The following SATB1 variants were observed in gnomAD, a reference collection of about 807,000 sequenced individuals.
SATB1 encodes the protein SATB homeobox 1, also known as DNA-binding protein SATB1.
A neutral mutation model predicts 86.9 loss-of-function variants in SATB1; 11 were observed. The observed-to-expected ratio is 0.13, with a 90% confidence interval of 0.08 to 0.21. The LOEUF (loss-of-function observed/expected upper bound fraction) is 0.21. SATB1 is among the 10% of genes least tolerant of loss of function. The pLI is 1.00. For missense variants in SATB1, 551 were observed against 937.6 expected (o/e 0.59, Z 5.39); for synonymous variants, 357 against 357.2 (o/e 1.00, Z 0.01).
chr3:18,373,580 T>G (rs1000749653), intron 9 of SATB1, among the ~76,000 whole-genome samples: 9 of 152,194 alleles, frequency 5.9e-5, no homozygotes, highest in African/African-American at 2.2e-4. Flanking sequence ...CTTACTTGCA[T>G]TTAAGACATC....
chr3:18,358,765 CT>C (rs1032276600), intron 9 of SATB1, among the ~76,000 whole-genome samples: 43 of 152,088 alleles, frequency 2.8e-4, no homozygotes, highest in African/African-American at 1.0e-3. Flanking sequence ...TAATAATCTT[CT>C]TTTTAAATGT....
Position 18,345,397 on chromosome 3 carries a change from C to CTAT in SATB1, c.*3770_*3772dup, listed in dbSNP as rs1408863158. 1 of 152,004 alleles carries CTAT rather than the reference C, an allele frequency of 6.6e-6. No individual in the cohort carries two copies. The highest frequency in any genetic ancestry group is 1.5e-5 in the Non-Finnish European group (1 of 67,928). The allele number at this position is 152,004 out of a possible 1,614,324, so 9.4% of individuals were successfully genotyped here. A position where few individuals can be genotyped will look rare whatever the true frequency, so the allele number is the denominator to read the frequency against. On this transcript the variant is annotated 3_prime_UTR_variant, in exon 11 of 11. Transcript: ENST00000338745. ...TCATCTTTTAAACATTAATTTCAAA[C>CTAT]TATTTTTATTTAACATTTGGTATTG...
At chr3:18,365,908 G>A (rs1695161658) in intron 9 of SATB1, among the ~76,000 whole-genome samples, 1 of 152,172 alleles carries the variant, frequency 6.6e-6, no homozygotes, top group African/African-American at 2.4e-5. Flanking sequence ...TTGCAAGCCA[G>A]GAAGAAAGAA....
intron 7 of SATB1, among the ~76,000 whole-genome samples, chr3:18,390,082 T>C (rs1177062645): frequency 6.6e-6 from 1 of 152,118 alleles, no homozygotes; most frequent in Non-Finnish European, 1.5e-5. Flanking sequence ...TTAGTAGTTG[T>C]AAAAGAAAGA....
chr3:18,434,354 T>C (rs776305135), intron 2 of SATB1, among the ~76,000 whole-genome samples: 9 of 151,886 alleles, frequency 5.9e-5, no homozygotes, highest in Non-Finnish European at 1.0e-4. Flanking sequence ...AAAAATCCAA[T>C]TGTTTGGCCA....
chr3:18,375,886 G>A (rs1448298119), intron 9 of SATB1, among the ~76,000 whole-genome samples: 6 of 152,160 alleles, frequency 3.9e-5, no homozygotes, highest in Non-Finnish European at 8.8e-5. Flanking sequence ...CTATCCAAGG[G>A]AATAAAGTTA....
chr3:18,445,032 G>A, intron 1 of SATB1: 1 of 209,782 alleles, frequency 4.8e-6, no homozygotes, highest in Non-Finnish European at 8.2e-6. Context: ...CGGCCGGGGC[G>A]TCCCCCGCGG....
chr3:18,378,639 C>A (rs1695885286), intron 8 of SATB1, among the ~76,000 whole-genome samples: 1 of 152,158 alleles, frequency 6.6e-6, no homozygotes. Context: ...AATTGTCTCC[C>A]AATTACCTTC....
intron 2 of SATB1, among the ~76,000 whole-genome samples, chr3:18,434,587 GA>G (rs1404170731): frequency 6.6e-6 from 1 of 151,840 alleles, no homozygotes; most frequent in Non-Finnish European, 1.5e-5. Context: ...CACATAGTGG[GA>G]AAAGTAGTGG....
chr3:18,437,757 A>G (rs537312384), intron 1 of SATB1, among the ~76,000 whole-genome samples: 73 of 152,324 alleles, frequency 4.8e-4, no homozygotes, highest in African/African-American at 1.8e-3. Flanking sequence ...ACTGTCTACC[A>G]TTAAACAGTA....
At chr3:18,393,391 A>G (rs1696793812) in intron 7 of SATB1, among the ~76,000 whole-genome samples, 1 of 152,158 alleles carries the variant, frequency 6.6e-6, no homozygotes, top group South Asian at 2.1e-4. Context: ...AATAAACACC[A>G]TATATATCAC....
At chr3:18,351,660 T>G (rs913986351) in intron 10 of SATB1, 1 of 499,886 alleles carries the variant, frequency 2.0e-6, no homozygotes, top group Admixed American at 3.6e-5. Flanking sequence ...ATAGGTGGTG[T>G]TTTAAATTGT....
In SATB1 at chr3:18,349,076, G is replaced by T; in HGVS notation, c.*94C>A. The T allele has an allele frequency of 6.6e-7, 1 of 1,514,140 alleles. No individual in the cohort carries two copies. The highest frequency in any genetic ancestry group is 1.4e-5 in the South Asian group (1 of 72,824). The allele number at this position is 1,514,140 out of a possible 1,614,324, so 93.8% of individuals were successfully genotyped here. On this transcript the variant is annotated 3_prime_UTR_variant, in exon 11 of 11. Coordinates refer to ENST00000338745, the MANE Select transcript of SATB1 (RefSeq NM_002971.6). The surrounding 1 kb of genome is among the most constrained non-coding windows in gnomAD (Gnocchi z 5.5). Reference sequence around the variant, plus strand: ...TTTGAAGATTCATTGGCCAAACAATGAACAACAAAGGTTTTCTGAGAGAAG... The same window carrying T: ...TTTGAAGATTCATTGGCCAAACAATTAACAACAAAGGTTTTCTGAGAGAAG...
chr3:18,349,156 C>T lies in SATB1; in HGVS notation c.*14G>A. On this transcript the variant is annotated 3_prime_UTR_variant, in exon 11 of 11. Transcript: ENST00000338745. This position sits in a 1 kb window ranked among gnomAD's most constrained non-coding sequence, Gnocchi z 5.5. ...ATACCAGTGGCACTGTTGAACGAAACAAATACTTTTATCTCAGTCTTTCAA... is the reference window on the plus strand; with the variant it reads ...ATACCAGTGGCACTGTTGAACGAAATAAATACTTTTATCTCAGTCTTTCAA... 1 of 1,609,968 alleles carries T rather than the reference C, an allele frequency of 6.2e-7. No individual in the cohort carries two copies. Among genetic ancestry groups the T allele is most frequent in the Non-Finnish European group, 8.5e-7 (1 of 1,177,542 alleles).
chr3:18,352,352 G>T lies in SATB1; in HGVS notation c.1576-157C>A. On this transcript the variant is annotated intron_variant, in intron 9 of 10. Coordinates refer to ENST00000338745, the MANE Select transcript of SATB1 (RefSeq NM_002971.6). The surrounding 1 kb of genome is among the most constrained non-coding windows in gnomAD (Gnocchi z 4.1). Reference sequence around the variant, plus strand: ...AATTGTTTTTAACTTGTTAAGAGAGGTTATCTGTGGCTGTCAAGGAGGCAG... The same window carrying T: ...AATTGTTTTTAACTTGTTAAGAGAGTTTATCTGTGGCTGTCAAGGAGGCAG... 1.6e-6 allele frequency: 1 copy of T among 617,182 alleles called. No individual in the cohort carries two copies. The highest frequency in any genetic ancestry group is 2.1e-5 in the South Asian group (1 of 47,748). The allele number at this position is 617,182 out of a possible 1,614,324, so 38.2% of individuals were successfully genotyped here. A position where few individuals can be genotyped will look rare whatever the true frequency, so the allele number is the denominator to read the frequency against.
At chr3:18,425,992 G>C (rs568104174), upstream of SATB1, among the ~76,000 whole-genome samples, 3 of 152,276 alleles carry the variant, frequency 2.0e-5, no homozygotes, top group South Asian at 6.2e-4. Flanking sequence ...GGGGGACAGG[G>C]AGACGCACCG....
chr3:18,424,327 C>T lies in SATB1; in HGVS notation c.-725G>A, dbSNP rs1018815044. Reference sequence around the variant, plus strand: ...GCCTCCCTTCCAATCACCCCCACCCCCCTCGCCAACAATCGCGACTAATAT... The same window carrying T: ...GCCTCCCTTCCAATCACCCCCACCCTCCTCGCCAACAATCGCGACTAATAT... On this transcript the variant is annotated 5_prime_UTR_variant, in exon 1 of 11. Transcript: ENST00000338745. 5 of 148,412 alleles carry T rather than the reference C, an allele frequency of 3.4e-5. No individual in the cohort carries two copies. Among genetic ancestry groups the T allele is most frequent in the African/African-American group, 1.3e-4 (5 of 38,216 alleles). 9.2% of individuals were successfully genotyped at this position (148,412 alleles called of 1,614,324 possible). A position where few individuals can be genotyped will look rare whatever the true frequency, so the allele number is the denominator to read the frequency against.
At chr3:18,400,241 T>C (rs11721088) in intron 5 of SATB1, among the ~76,000 whole-genome samples, 51,682 of 152,052 alleles carry the variant, frequency 0.34, 9,532 homozygotes, top group Admixed American at 0.47. Flanking sequence ...GAGGTACTGG[T>C]TTAAAAAGAT....
At chr3:18,440,051 TAAAC>T (rs752130369), upstream of SATB1, among the ~76,000 whole-genome samples, 3 of 152,210 alleles carry the variant, frequency 2.0e-5, no homozygotes, top group Non-Finnish European at 2.9e-5. Context: ...ATTAAAAACT[TAAAC>T]ATTCCATCTA....
Sources: allele counts gnomAD v4.1 joint callset (sites outside exome capture counted in the v4.1 genomes callset), GRCh38; gene constraint gnomAD v4.1.1; non-coding constraint Gnocchi (gnomAD v3.1); transcripts MANE v1.5; gene names NCBI Gene and HGNC (gene_info 2026-07-23, HGNC 2026-07-21).